Variants in TADA2A observed in about 807,000 individuals in gnomAD.
TADA2A encodes the protein transcriptional adaptor 2A, also known as transcriptional adapter 2-alpha.
TADA2A carries 38 observed loss-of-function variants against 67.4 expected under a neutral mutation model. That is an observed-to-expected ratio of 0.56 (90% confidence interval 0.44 to 0.74). The LOEUF (loss-of-function observed/expected upper bound fraction) is 0.74, where lower values mean the gene tolerates loss of function less well. TADA2A is among the 30% of genes least tolerant of loss of function. The pLI is 0.00. For synonymous variants in TADA2A, 192 were observed against 181.6 expected, an observed-to-expected ratio of 1.06 and a Z score of -0.46; for missense variants, 454 against 547.0, an observed-to-expected ratio of 0.83 and a Z score of 1.70.
intron 14 of TADA2A, 136 bp downstream of exon 14, chr17:37,471,273 T>C (rs763237069): frequency 2.5e-6 from 2 of 809,554 alleles, no homozygotes; most frequent in Non-Finnish European, 4.1e-6. Flanking sequence ...GTTAGCCCAA[T>C]ATATAAACAT....
chr17:37,461,237 T>A (rs2053540341), intron 9 of TADA2A, among the ~76,000 whole-genome samples: 1 of 152,080 alleles, frequency 6.6e-6, no homozygotes. Context: ...TGTGAGAATC[T>A]AATGCTGCCG....
intron 13 of TADA2A, among the ~76,000 whole-genome samples, chr17:37,470,799 C>G (rs1485827098): frequency 1.3e-5 from 2 of 152,140 alleles, no homozygotes; most frequent in Non-Finnish European, 2.9e-5. Flanking sequence ...CTTCAACTCT[C>G]TCTTCATACC....
chr17:37,429,286 G>C (rs980955699), intron 4 of TADA2A, among the ~76,000 whole-genome samples: 2 of 152,012 alleles, frequency 1.3e-5, no homozygotes, highest in African/African-American at 4.8e-5. Flanking sequence ...GGGCCTATCA[G>C]GGTAATCCAG....
intron 4 of TADA2A, among the ~76,000 whole-genome samples, chr17:37,429,676 CCTGA>C (rs1458133614): frequency 2.6e-5 from 4 of 152,130 alleles, no homozygotes; most frequent in Non-Finnish European, 5.9e-5. Context: ...CATCTCTGAG[CCTGA>C]CTATTGGTGG....
intron 8 of TADA2A, among the ~76,000 whole-genome samples, chr17:37,457,214 A>G (rs561248767): frequency 7.9e-6 from 1 of 126,958 alleles, no homozygotes; most frequent in South Asian, 2.4e-4. Flanking sequence ...GGAGTCTTGC[A>G]GCAATGCCCT....
intron 9 of TADA2A, among the ~76,000 whole-genome samples, chr17:37,461,356 A>G (rs1319484316): frequency 3.3e-5 from 5 of 152,114 alleles, no homozygotes; most frequent in Non-Finnish European, 7.4e-5. Flanking sequence ...ATCTAAAGTA[A>G]AACTTACTCT....
chr17:37,448,801 T>C (rs1489932196), intron 8 of TADA2A, among the ~76,000 whole-genome samples: 1 of 152,218 alleles, frequency 6.6e-6, no homozygotes, highest in African/African-American at 2.4e-5. Context: ...GTTCACAATT[T>C]CTTCTCCCTC....
intron 8 of TADA2A, among the ~76,000 whole-genome samples, chr17:37,455,916 GA>G (rs77694890): frequency 0.2 from 31,023 of 152,032 alleles, 3,567 homozygotes; most frequent in East Asian, 0.54. Flanking sequence ...TAGGAAACAA[GA>G]ATGGGGCCGG....
chr17:37,436,622 G>A (rs1223538360), intron 4 of TADA2A: 1 of 152,006 alleles, frequency 6.6e-6, no homozygotes, highest in Non-Finnish European at 1.5e-5. Context: ...GCCTCCCAAA[G>A]TGTTGGGATT....
intron 3 of TADA2A, among the ~76,000 whole-genome samples, chr17:37,424,414 C>T (rs1361868327): frequency 6.6e-6 from 1 of 150,978 alleles, no homozygotes. Context: ...AGTGTAGTGG[C>T]ACAATCTTGG....
intron 12 of TADA2A, among the ~76,000 whole-genome samples, chr17:37,469,004 G>A (rs190986881): frequency 4.0e-5 from 6 of 151,886 alleles, no homozygotes; most frequent in Admixed American, 2.6e-4. Context: ...AGGTTCAAGC[G>A]AGTCTCCTGC....
rs754954536 is a variant in TADA2A at position 37,478,683 on chromosome 17, C to T, written c.*1701C>T. The T allele has an allele frequency of 7.2e-5, 11 of 152,166 alleles. No individual in the cohort carries two copies. The highest frequency in any genetic ancestry group is 1.2e-4 in the Non-Finnish European group (8 of 68,036). 9.4% of individuals were successfully genotyped at this position (152,166 alleles called of 1,614,324 possible). ...TATATAGAAATAACTTCGTCAGAAT[C>T]GACACAAATCACATCGAATAGTTGA... On this transcript the variant is annotated 3_prime_UTR_variant, in exon 16 of 16. Coordinates refer to ENST00000615182, the MANE Select transcript of TADA2A (RefSeq NM_001166105.3).
chr17:37,412,617 CTACTAAAAA>C (rs1429816422), intron 2 of TADA2A, among the ~76,000 whole-genome samples: 1 of 151,966 alleles, frequency 6.6e-6, no homozygotes, highest in Non-Finnish European at 1.5e-5. Context: ...AACCCCGTCT[CTACTAAAAA>C]TACAAAAATT....
chr17:37,441,285 C>A (rs1316073464), intron 6 of TADA2A, among the ~76,000 whole-genome samples: 4 of 152,046 alleles, frequency 2.6e-5, no homozygotes, highest in African/African-American at 9.7e-5. Flanking sequence ...AAGGGAAAAC[C>A]TTTTCTATGC....
intron 14 of TADA2A, 22 bp downstream of exon 14, chr17:37,471,159 A>G (rs747833778): frequency 1.2e-6 from 2 of 1,612,872 alleles, no homozygotes; most frequent in East Asian, 2.2e-5. Context: ...TCAGGCCAGA[A>G]CAAGTCTTAA....
At chr17:37,473,914 A>G (rs1366391184) in intron 14 of TADA2A, among the ~76,000 whole-genome samples, 1 of 152,216 alleles carries the variant, frequency 6.6e-6, no homozygotes. Context: ...TACTTGGTTA[A>G]TTACCATGTT....
chr17:37,465,336 T>C, intron 10 of TADA2A, 95 bp from the exon 11 acceptor site: 1 of 885,168 alleles, frequency 1.1e-6, no homozygotes, highest in Non-Finnish European at 1.7e-6. Context: ...TGAATAATGT[T>C]CTTCCATTTT....
intron 8 of TADA2A, 37 bp from the exon 9 acceptor site, chr17:37,458,487 A>G: frequency 2.4e-6 from 3 of 1,272,514 alleles, no homozygotes; most frequent in Non-Finnish European, 3.2e-6. Flanking sequence ...TATATATATG[A>G]TATGTATATA....
chr17:37,455,983 T>C (rs1025770180), intron 8 of TADA2A, among the ~76,000 whole-genome samples: 1 of 152,104 alleles, frequency 6.6e-6, no homozygotes, highest in African/African-American at 2.4e-5. Flanking sequence ...GTGGGTGGAT[T>C]ACTTGAGGTT....
Sources: gnomAD v4.1 joint callset for allele counts (sites outside exome capture counted in the v4.1 genomes callset) on GRCh38, gnomAD v4.1.1 for gene constraint, MANE v1.5 for transcripts, NCBI Gene and HGNC (gene_info 2026-07-23, HGNC 2026-07-21) for gene names.